The following STRN variants were observed in gnomAD, a reference collection of about 807,000 sequenced individuals.
The protein encoded by STRN is protein phosphatase 2 regulatory subunit B'''alpha.
STRN carries 53 observed loss-of-function variants against 96.3 expected under a neutral mutation model. The ratio of observed to expected loss-of-function variants is 0.55; its 90% CI spans 0.44 to 0.69. The LOEUF (loss-of-function observed/expected upper bound fraction) is 0.69, where lower values mean the gene tolerates loss of function less well. Among genes scored for constraint, STRN ranks in the 30% least tolerant of loss-of-function variants. The pLI, the probability that STRN is intolerant of heterozygous loss-of-function variation, is 0.00. For missense variants in STRN, 987 were observed against 963.9 expected (o/e 1.02, Z -0.32); for synonymous variants, 428 against 355.9 (o/e 1.20, Z -2.28).
At chr2:36,942,784 C>G (rs1205306699) in intron 1 of STRN, among the ~76,000 whole-genome samples, 1 of 152,172 alleles carries the variant, frequency 6.6e-6, no homozygotes, top group East Asian at 1.9e-4. Context: ...CAACCTCCTT[C>G]TCCTGGATTC....
intron 9 of STRN, among the ~76,000 whole-genome samples, 185 bp from the exon 10 acceptor site, chr2:36,878,212 C>G (rs558062165): frequency 1.3e-5 from 2 of 152,124 alleles, no homozygotes; most frequent in Non-Finnish European, 2.9e-5. Context: ...CATATCTTAA[C>G]CACAGGTAAA....
chr2:36,853,349 C>A (rs942887590), intron 15 of STRN, among the ~76,000 whole-genome samples: 1 of 151,850 alleles, frequency 6.6e-6, no homozygotes, highest in Admixed American at 6.6e-5. Flanking sequence ...ACAGTAACAA[C>A]AAAAAAAGAA....
In STRN at chr2:36,856,154, G is replaced by C. The variant is rs180704748; in HGVS notation, c.1838-802C>G. On this transcript the variant is annotated intron_variant, in intron 14 of 17. Transcript: ENST00000263918. ...CCACCAGAATGGCTAAAGTTAAACAGACTGACAATACTGTATGTTTGTAAG... is the reference window on the plus strand; with the variant it reads ...CCACCAGAATGGCTAAAGTTAAACACACTGACAATACTGTATGTTTGTAAG... 2.5e-3 allele frequency among the ~76,000 whole-genome samples: 381 copies of C among 152,284 alleles called. 3 individuals are homozygous for C. The highest frequency in any genetic ancestry group is 8.9e-3 in the African/African-American group (370 of 41,562).
chr2:36,944,760 G>C (rs982134127), intron 1 of STRN, among the ~76,000 whole-genome samples: 4 of 152,156 alleles, frequency 2.6e-5, no homozygotes, highest in Non-Finnish European at 5.9e-5. Flanking sequence ...ATAGAAGCAA[G>C]CAGTTCAGAG....
At chr2:36,963,666 T>C (rs552762116) in intron 1 of STRN, among the ~76,000 whole-genome samples, 8 of 152,118 alleles carry the variant, frequency 5.3e-5, no homozygotes, top group Non-Finnish European at 1.2e-4. Context: ...GTCAAAAAAG[T>C]AGTGTCCTTG....
chr2:36,879,720 A>T (rs761530467), intron 9 of STRN, among the ~76,000 whole-genome samples: 3 of 152,360 alleles, frequency 2.0e-5, no homozygotes, highest in East Asian at 3.9e-4. Context: ...CCTAGCTGCT[A>T]AAGGGGTAAA....
At chr2:36,859,237 G>A (rs1316665055) in intron 13 of STRN, among the ~76,000 whole-genome samples, 1 of 152,140 alleles carries the variant, frequency 6.6e-6, no homozygotes. Flanking sequence ...CTTGGTAGTA[G>A]TACAGAAGAC....
At chr2:36,892,481 A>G (rs1007013613) in intron 7 of STRN, among the ~76,000 whole-genome samples, 9 of 152,252 alleles carry the variant, frequency 5.9e-5, no homozygotes, top group African/African-American at 1.9e-4. Flanking sequence ...GGTAATCTGT[A>G]TAATTTGGGA....
chr2:36,864,388 C>T (rs1244056876), intron 12 of STRN, among the ~76,000 whole-genome samples: 1 of 152,110 alleles, frequency 6.6e-6, no homozygotes. Context: ...TTATCGAAAG[C>T]CTTTTCTGCA....
At chr2:36,952,030 T>C (rs1664765453) in intron 1 of STRN, among the ~76,000 whole-genome samples, 1 of 152,164 alleles carries the variant, frequency 6.6e-6, no homozygotes, top group Admixed American at 6.5e-5. Flanking sequence ...GGTGGAACAA[T>C]TTCGTCCCGA....
chr2:36,927,826 C>G (rs1052138489), intron 1 of STRN, among the ~76,000 whole-genome samples: 4 of 152,116 alleles, frequency 2.6e-5, no homozygotes, highest in Non-Finnish European at 5.9e-5. Context: ...TAATATCTGT[C>G]AAGTTTGTAA....
At chr2:36,862,278 T>G (rs761855290) in intron 12 of STRN, among the ~76,000 whole-genome samples, 1 of 152,214 alleles carries the variant, frequency 6.6e-6, no homozygotes, top group South Asian at 2.1e-4. Context: ...ATATACCTAA[T>G]AATGCTAGGT....
chr2:36,873,582 A>G (rs918896737), intron 10 of STRN, among the ~76,000 whole-genome samples: 3 of 152,088 alleles, frequency 2.0e-5, no homozygotes, highest in African/African-American at 7.2e-5. Flanking sequence ...AATAATAATA[A>G]TGTTGATTGT....
At chr2:36,875,104 G>C (rs887345461) in intron 10 of STRN, among the ~76,000 whole-genome samples, 1 of 152,132 alleles carries the variant, frequency 6.6e-6, no homozygotes, top group African/African-American at 2.4e-5. Flanking sequence ...TAAGGTCTTT[G>C]CATAGAAAAT....
intron 3 of STRN, among the ~76,000 whole-genome samples, chr2:36,912,430 A>C (rs2148214024): frequency 1.3e-5 from 2 of 152,234 alleles, no homozygotes; most frequent in South Asian, 4.2e-4. Context: ...AGTCCTACAG[A>C]TATTCTTCAG....
intron 2 of STRN, among the ~76,000 whole-genome samples, chr2:36,922,948 C>T (rs1670300930): frequency 6.6e-6 from 1 of 151,434 alleles, no homozygotes; most frequent in Non-Finnish European, 1.5e-5. Flanking sequence ...TCGAGACCAT[C>T]CCAGTCAACA....
At chr2:36,874,272 A>C (rs1006052278) in intron 10 of STRN, among the ~76,000 whole-genome samples, 2 of 152,022 alleles carry the variant, frequency 1.3e-5, no homozygotes, top group Non-Finnish European at 2.9e-5. Context: ...TCAAAAAAAA[A>C]AAAAAGAGCA....
intron 7 of STRN, among the ~76,000 whole-genome samples, chr2:36,889,139 A>T (rs1272153355): frequency 1.3e-5 from 2 of 152,198 alleles, no homozygotes; most frequent in African/African-American, 4.8e-5. Flanking sequence ...CCAGAAGAAT[A>T]AGTATCTTCA....
chr2:36,873,760 C>G (rs1291628927), intron 10 of STRN, among the ~76,000 whole-genome samples: 1 of 151,558 alleles, frequency 6.6e-6, no homozygotes, highest in African/African-American at 2.4e-5. Flanking sequence ...CTGACCAACA[C>G]GGTGAAACCC....
Sources: allele counts gnomAD v4.1 joint callset (sites outside exome capture counted in the v4.1 genomes callset), GRCh38; gene constraint gnomAD v4.1.1; transcripts MANE v1.5; gene names NCBI Gene and HGNC (gene_info 2026-07-23, HGNC 2026-07-21).